SNX18: variants seen among roughly 807,000 people sequenced by gnomAD.
The protein encoded by SNX18 is sorting nexin 18, also known as sorting nexin-18.
In SNX18, 35 loss-of-function variants were observed where a neutral mutation model predicts 48.7. The ratio of observed to expected loss-of-function variants is 0.72; its 90% confidence interval spans 0.55 to 0.95. The LOEUF is 0.95. Ranked by LOEUF, SNX18 falls within the 40% of genes least tolerant of loss-of-function variation. The pLI, the probability that SNX18 is intolerant of heterozygous loss-of-function variation, is 0.00. For missense variants in SNX18, 824 were observed against 871.0 expected, an observed-to-expected ratio of 0.95 and a Z score of 0.68; for synonymous variants, 492 against 384.7, an observed-to-expected ratio of 1.28 and a Z score of -3.26.
intron 1 of SNX18, chr5:54,520,781 G>C (rs1048325998): frequency 6.0e-5 from 10 of 167,066 alleles, no homozygotes; most frequent in Non-Finnish European, 7.3e-5. Context: ...ATGCGTGACT[G>C]GTCTTCTGAC....
the SNX18 span, among the ~76,000 whole-genome samples, chr5:54,607,932 A>AAAACAAAC: frequency 3.9e-5 from 6 of 152,064 alleles, no homozygotes; most frequent in East Asian, 5.8e-4. Flanking sequence ...AGACTGTCTC[A>AAAACAAAC]AAACAAACAA....
chr5:54,540,694 C>G (rs980603556), intron 1 of SNX18, among the ~76,000 whole-genome samples: 2 of 151,834 alleles, frequency 1.3e-5, no homozygotes, highest in Non-Finnish European at 3.0e-5. Flanking sequence ...ACTCTGTTCT[C>G]TATGATGAAA....
chr5:54,586,215 C>A, the SNX18 span, among the ~76,000 whole-genome samples: 1 of 152,098 alleles, frequency 6.6e-6, no homozygotes, highest in Non-Finnish European at 1.5e-5. Flanking sequence ...ATTTTGTTTT[C>A]CTTTACCTTG....
intron 1 of SNX18, among the ~76,000 whole-genome samples, chr5:54,542,698 G>C (rs1762495027): frequency 6.6e-6 from 1 of 152,194 alleles, no homozygotes; most frequent in Non-Finnish European, 1.5e-5. Flanking sequence ...TTCAGAGACT[G>C]GTTCTAGAGT....
chr5:54,572,758 A>G, the SNX18 span, among the ~76,000 whole-genome samples: 152 of 20,132 alleles, frequency 7.6e-3, no homozygotes, highest in African/African-American at 0.024. Context: ...GTGTGTGTAT[A>G]TATATATATA....
chr5:54,608,447 G>A, the SNX18 span, among the ~76,000 whole-genome samples: 1 of 152,072 alleles, frequency 6.6e-6, no homozygotes, highest in Admixed American at 6.5e-5. Flanking sequence ...TGTTGCCCAA[G>A]CTGGTCTTGA....
chr5:54,625,209 C>T, the SNX18 span, among the ~76,000 whole-genome samples: 1 of 152,122 alleles, frequency 6.6e-6, no homozygotes, highest in South Asian at 2.1e-4. Flanking sequence ...TATAACAAAT[C>T]ACCTCCAAAA....
chr5:54,626,441 C>A, the SNX18 span, among the ~76,000 whole-genome samples: 2 of 152,164 alleles, frequency 1.3e-5, no homozygotes, highest in Non-Finnish European at 2.9e-5. Context: ...CAGGCATGAG[C>A]CACTGCACAC....
At chr5:54,594,755 G>A in the SNX18 span, among the ~76,000 whole-genome samples, 1 of 152,040 alleles carries the variant, frequency 6.6e-6, no homozygotes, top group Non-Finnish European at 1.5e-5. Flanking sequence ...GCTAAGTTTT[G>A]GGGTACGATT....
chr5:54,592,997 C>T, the SNX18 span, among the ~76,000 whole-genome samples: 2 of 152,122 alleles, frequency 1.3e-5, no homozygotes. Context: ...GACCGGGTTT[C>T]ATCATGTTGG....
the SNX18 span, among the ~76,000 whole-genome samples, chr5:54,627,962 G>A: frequency 2.8e-4 from 42 of 152,206 alleles, no homozygotes; most frequent in East Asian, 2.3e-3. Flanking sequence ...CATTACCCAC[G>A]CCTACATCTG....
chr5:54,603,123 A>G, the SNX18 span, among the ~76,000 whole-genome samples: 5 of 151,966 alleles, frequency 3.3e-5, no homozygotes, highest in Non-Finnish European at 7.4e-5. Flanking sequence ...ATCATATGGT[A>G]TCTGCGTATA....
chr5:54,546,939 G>A (rs907004241), downstream of SNX18, among the ~76,000 whole-genome samples: 4 of 152,200 alleles, frequency 2.6e-5, no homozygotes, highest in South Asian at 2.1e-4. Flanking sequence ...ATAAATAGGC[G>A]AACTCCAACA....
downstream of SNX18, among the ~76,000 whole-genome samples, chr5:54,550,705 C>T (rs1027896853): frequency 6.6e-6 from 1 of 152,120 alleles, no homozygotes; most frequent in African/African-American, 2.4e-5. Flanking sequence ...TGCCTTCAGC[C>T]TCCCGAGTAC....
chr5:54,600,423 T>C, the SNX18 span, among the ~76,000 whole-genome samples: 21,863 of 152,204 alleles, frequency 0.14, 1,947 homozygotes, highest in South Asian at 0.21. Context: ...GGTATGGCAA[T>C]TCCTCAAAGA....
At chr5:54,608,372 A>AT in the SNX18 span, among the ~76,000 whole-genome samples, 6 of 151,876 alleles carry the variant, frequency 4.0e-5, no homozygotes, top group Non-Finnish European at 8.8e-5. Context: ...TGTGCTTTTT[A>AT]TTTTTTATTT....
chr5:54,628,077 A>G, the SNX18 span, among the ~76,000 whole-genome samples: 2 of 152,142 alleles, frequency 1.3e-5, no homozygotes, highest in Non-Finnish European at 2.9e-5. Context: ...ACACACCCAG[A>G]GACAAATTAG....
At chr5:54,537,062 GCT>G (rs1762371463) in intron 1 of SNX18, among the ~76,000 whole-genome samples, 1 of 152,206 alleles carries the variant, frequency 6.6e-6, no homozygotes, top group African/African-American at 2.4e-5. Flanking sequence ...GGGCGCTGCA[GCT>G]TATGCTTATA....
chr5:54,541,464 G>A (rs1762469670), intron 1 of SNX18, among the ~76,000 whole-genome samples: 1 of 152,198 alleles, frequency 6.6e-6, no homozygotes, highest in African/African-American at 2.4e-5. Flanking sequence ...GCAGGCAAAT[G>A]TTAGTGCTTT....
Sources: allele counts gnomAD v4.1 joint callset (sites outside exome capture counted in the v4.1 genomes callset), GRCh38; gene constraint gnomAD v4.1.1; transcripts MANE v1.5; gene names NCBI Gene and HGNC (gene_info 2026-07-23, HGNC 2026-07-21).